Variants in WNK1 observed in about 807,000 individuals in gnomAD.
WNK1 encodes serine/threonine-protein kinase WNK1.
Under a neutral mutation model 222.8 loss-of-function variants are expected in WNK1, and 38 were observed. The observed-to-expected ratio is 0.17, with a 90% CI of 0.13 to 0.22. The LOEUF (loss-of-function observed/expected upper bound fraction) is 0.22, where lower values mean the gene tolerates loss of function less well. Among genes scored for constraint, WNK1 ranks in the 10% least tolerant of loss-of-function variants. The pLI, the probability that WNK1 is intolerant of heterozygous loss-of-function variation, is 1.00. For synonymous variants in WNK1, 1,090 were observed against 1,092.9 expected (o/e 1.00, Z 0.05); for missense variants, 2,348 against 2,918.4 (o/e 0.80, Z 4.50).
At position 884,264 on chromosome 12, in the gene WNK1, C is replaced by T; in HGVS notation, c.3844+21C>T. 5 of 1,613,732 alleles carry T rather than the reference C, an allele frequency of 3.1e-6. No individual in the cohort carries two copies. The highest frequency in any genetic ancestry group is 4.2e-6 in the Non-Finnish European group (5 of 1,179,820). ...TACAGGTAAGGGATTGATTCTGCCA[C>T]ATTGTTATGTAAATTCTACAGTGCC... On this transcript the variant is annotated intron_variant, in intron 18 of 27. Transcript: ENST00000315939. This position sits in a 1 kb window ranked among gnomAD's most constrained non-coding sequence, Gnocchi z 5.6.
intron 26 of WNK1, chr12:904,343 TCA>T: frequency 1.2e-6 from 1 of 808,320 alleles, no homozygotes; most frequent in Non-Finnish European, 1.8e-6. Context: ...CCTATCTGTC[TCA>T]CCTCCTGCTT....
intron 26 of WNK1, chr12:906,476 G>A: frequency 1.0e-6 from 1 of 985,332 alleles, no homozygotes; most frequent in Non-Finnish European, 1.2e-6. Flanking sequence ...GGGAGTGCTT[G>A]CTGTTCTGGG....
At position 753,627 on chromosome 12, in the gene WNK1, C is replaced by G. The variant is rs764758850; in HGVS notation, c.62C>G (p.Pro21Arg). The change falls in exon 1 of 28, where the codon CCG becomes CGG. Residue 21 changes from proline to arginine, a missense_variant. Coordinates refer to ENST00000315939, the MANE Select transcript of WNK1 (RefSeq NM_018979.4). The surrounding 1 kb of genome is among the most constrained non-coding windows in gnomAD (Gnocchi z 5.2). ...STPGSLFLSP[P>R]APAPKNGSSS... ...CCCGGTTCCCTGTTCCTCTCGCCGC[C>G]GGCTCCTGCCCCCAAGAATGGCTCC... The G allele has an allele frequency of 6.2e-7, 1 of 1,612,762 alleles. No homozygotes were observed. The highest frequency in any genetic ancestry group is 1.1e-5 in the South Asian group (1 of 91,070).
At position 753,967 on chromosome 12, in the gene WNK1, C is replaced by G. The variant is rs201360097; in HGVS notation, c.402C>G (p.Ala134=). Residue 134 remains alanine, a synonymous_variant, in exon 1 of 28, where the codon GCC becomes GCG. Transcript: ENST00000315939. This position sits in a 1 kb window ranked among gnomAD's most constrained non-coding sequence, Gnocchi z 5.2. ...TVTATATSQV[A]QQPPAAAAPG... ...CCGCCACCGCCACTTCCCAGGTAGC[C>G]CAGCAGCCTCCAGCCGCTGCCGCCC... 7.5e-6 allele frequency: 12 copies of G among 1,596,390 alleles called. No homozygotes were observed. The East Asian group carries it at 2.7e-4, about 36-fold the overall frequency.
chr12:771,297 C>T (rs1203026564), intron 1 of WNK1, among the ~76,000 whole-genome samples: 1 of 151,888 alleles, frequency 6.6e-6, no homozygotes, highest in African/African-American at 2.4e-5. Context: ...ATGCCCGGCG[C>T]TTTATATTCT....
In WNK1 at chr12:908,842, AGGGGGTGGGT is replaced by A. The variant is rs1215376826; in HGVS notation, c.*60_*69del. The A allele has an allele frequency of 5.5e-5, 12 of 218,610 alleles. No homozygotes were observed. The highest frequency in any genetic ancestry group is 4.7e-4 in the African/African-American group (4 of 8,576). 13.5% of individuals were successfully genotyped at this position (218,610 alleles called of 1,614,324 possible). A position where few individuals can be genotyped will look rare whatever the true frequency, so the allele number is the denominator to read the frequency against. On this transcript the variant is annotated 3_prime_UTR_variant, in exon 28 of 28. Coordinates refer to ENST00000315939, the MANE Select transcript of WNK1 (RefSeq NM_018979.4). Reference sequence around the variant, plus strand: ...TCTGGGGGCAGGAGATGGAATGCTGAGGGGGTGGGTGGGGGTGGGAAGTAGCCTATATACT... The same window carrying A: ...TCTGGGGGCAGGAGATGGAATGCTGAGGGGGTGGGAAGTAGCCTATATACT...
Position 884,170 on chromosome 12 carries a change from G to T in WNK1, c.3771G>T (p.Arg1257=). The change falls in exon 18 of 28, where the codon CGG becomes CGT. Residue 1257 remains arginine (R), a synonymous_variant. Transcript: ENST00000315939. The surrounding 1 kb of genome is among the most constrained non-coding windows in gnomAD (Gnocchi z 5.6). ...LTQVVHSAGR[R]FIVSPVPESR... is the part of the protein sequence containing the mutation. ...AAGTTGTTCATTCTGCGGGAAGGCGGTTTATAGTGAGTCCTGTGCCAGAAA... is the reference window on the plus strand; with the variant it reads ...AAGTTGTTCATTCTGCGGGAAGGCGTTTTATAGTGAGTCCTGTGCCAGAAA... The T allele has an allele frequency of 6.2e-7, 1 of 1,614,174 alleles. No homozygotes were observed. The highest frequency in any genetic ancestry group is 8.5e-7 in the Non-Finnish European group (1 of 1,180,028).
chr12:800,325 C>T (rs1945750330), intron 1 of WNK1, among the ~76,000 whole-genome samples: 1 of 151,972 alleles, frequency 6.6e-6, no homozygotes, highest in African/African-American at 2.4e-5. Context: ...TCTTTGATCA[C>T]CTTTTTATTT....
intron 8 of WNK1, among the ~76,000 whole-genome samples, chr12:864,537 T>G (rs1419421781): frequency 6.6e-6 from 1 of 152,222 alleles, no homozygotes; most frequent in African/African-American, 2.4e-5. Flanking sequence ...TAGTAGATCA[T>G]GACTTTTTTA....
chr12:786,831 CT>C (rs1228236416), intron 1 of WNK1, among the ~76,000 whole-genome samples: 1 of 151,950 alleles, frequency 6.6e-6, no homozygotes, highest in African/African-American at 2.4e-5. Flanking sequence ...AGTGTTTAGA[CT>C]TTTTTTTAAA....
chr12:853,560 G>C (rs1481363526), intron 4 of WNK1, among the ~76,000 whole-genome samples: 1 of 152,184 alleles, frequency 6.6e-6, no homozygotes, highest in Non-Finnish European at 1.5e-5. Flanking sequence ...CAGGAAACCT[G>C]AAGCTCAGAA....
At chr12:830,669 A>G (rs747511299) in intron 4 of WNK1, among the ~76,000 whole-genome samples, 12 of 152,218 alleles carry the variant, frequency 7.9e-5, no homozygotes, top group Admixed American at 3.9e-4. Flanking sequence ...GCTGACAGAG[A>G]TATTTTCTAC....
chr12:820,811 A>G (rs1947804850), intron 2 of WNK1, among the ~76,000 whole-genome samples: 2 of 152,140 alleles, frequency 1.3e-5, no homozygotes, highest in Admixed American at 6.5e-5. Context: ...ATCAAGTCAT[A>G]TGTGAATAGA....
chr12:841,369 C>T (rs1949611804), intron 4 of WNK1, among the ~76,000 whole-genome samples: 1 of 152,182 alleles, frequency 6.6e-6, no homozygotes, highest in African/African-American at 2.4e-5. Flanking sequence ...CAATAAGTGG[C>T]ATTTTGTGTC....
At chr12:754,510 A>G (rs114571246) in intron 1 of WNK1, among the ~76,000 whole-genome samples, 186 bp downstream of exon 1, 1 of 152,294 alleles carries the variant, frequency 6.6e-6, no homozygotes, top group African/African-American at 2.4e-5. Context: ...TTGGGATAGG[A>G]TAAGAATTAT....
At position 894,544 on chromosome 12, in the gene WNK1, T is replaced by G; in HGVS notation, c.5510-18T>G. On this transcript the variant is annotated intron_variant, in intron 22 of 27. Transcript: ENST00000315939. ...GAAGGAGACACTTATGTTTTCCTCATCCATGTATTTGTTTCAGTTTCTCAA... is the reference window on the plus strand; with the variant it reads ...GAAGGAGACACTTATGTTTTCCTCAGCCATGTATTTGTTTCAGTTTCTCAA... 6.2e-7 allele frequency: 1 copy of G among 1,606,916 alleles called. No individual in the cohort carries two copies. Among genetic ancestry groups the G allele is most frequent in the Non-Finnish European group, 8.5e-7 (1 of 1,173,528 alleles).
At chr12:879,471 T>G in intron 10 of WNK1, 102 bp from the exon 11 acceptor site, 2 of 749,692 alleles carry the variant, frequency 2.7e-6, no homozygotes, top group Non-Finnish European at 4.1e-6. Context: ...TGTTTTTTCC[T>G]TCTTTTTGGC....
At chr12:888,505 CTG>C (rs1022118678) in intron 20 of WNK1, among the ~76,000 whole-genome samples, 4 of 152,126 alleles carry the variant, frequency 2.6e-5, no homozygotes, top group Non-Finnish European at 5.9e-5. Context: ...TAAGCAAAGA[CTG>C]TGCAAGAATA....
rs772409815 is a variant in WNK1 at position 879,788 on chromosome 12, C to T, written c.2589C>T (p.Ile863=). The change falls in exon 11 of 28, where the codon ATC becomes ATT. Residue 863 remains isoleucine (I), a synonymous_variant. Transcript: ENST00000315939. The part of the protein sequence containing the change: ...TAQTGFSSLP[I]TMAAGITQPL... ...AGACAGGTTTCTCATCCCTTCCCATCACAATGGCAGCTGGCATTACTCAGC... is the reference window on the plus strand; with the variant it reads ...AGACAGGTTTCTCATCCCTTCCCATTACAATGGCAGCTGGCATTACTCAGC... The T allele has an allele frequency of 6.2e-7, 1 of 1,614,106 alleles. No individual in the cohort carries two copies. Among genetic ancestry groups the T allele is most frequent in the South Asian group, 1.1e-5 (1 of 91,080 alleles).
Sources: allele counts gnomAD v4.1 joint callset (sites outside exome capture counted in the v4.1 genomes callset), GRCh38; gene constraint gnomAD v4.1.1; non-coding constraint Gnocchi (gnomAD v3.1); transcripts MANE v1.5; gene names NCBI Gene and HGNC (gene_info 2026-07-23, HGNC 2026-07-21).